The following ZBTB44 variants were observed in gnomAD, a reference collection of about 807,000 sequenced individuals.
ZBTB44 encodes the protein zinc finger and BTB domain containing 44.
ZBTB44 carries 15 observed loss-of-function variants against 54.0 expected under a neutral mutation model. The observed-to-expected ratio is 0.28, with a 90% CI of 0.19 to 0.43. ZBTB44 has a LOEUF of 0.43. Ranked by LOEUF, ZBTB44 falls within the 20% of genes least tolerant of loss-of-function variation. The pLI, the probability that ZBTB44 is intolerant of heterozygous loss-of-function variation, is 1.00. For synonymous variants in ZBTB44, 230 were observed against 250.1 expected, an observed-to-expected ratio of 0.92 and a Z score of 0.76; for missense variants, 487 against 707.1, an observed-to-expected ratio of 0.69 and a Z score of 3.53.
At chr11:130,266,758 C>A (rs1256766311) in intron 1 of ZBTB44, among the ~76,000 whole-genome samples, 2 of 152,194 alleles carry the variant, frequency 1.3e-5, no homozygotes, top group African/African-American at 4.8e-5. Flanking sequence ...GTCTGAATTG[C>A]TGCAATCTCA....
intron 1 of ZBTB44, among the ~76,000 whole-genome samples, chr11:130,293,892 T>C (rs905097866): frequency 6.6e-6 from 1 of 152,236 alleles, no homozygotes; most frequent in Non-Finnish European, 1.5e-5. Flanking sequence ...GAATAAGCCC[T>C]TTCTAGTTCA....
chr11:130,244,023 G>T (rs778800160), intron 2 of ZBTB44, among the ~76,000 whole-genome samples: 1 of 152,054 alleles, frequency 6.6e-6, no homozygotes, highest in African/African-American at 2.4e-5. Context: ...TCTTTGAGTT[G>T]ATCAACCAAA....
chr11:130,239,633 A>T, intron 3 of ZBTB44, 179 bp downstream of exon 3: 2 of 454,102 alleles, frequency 4.4e-6, no homozygotes, highest in Non-Finnish European at 7.9e-6. Flanking sequence ...ATGCTGGGGA[A>T]AAAAAAAAGC....
At chr11:130,278,265 C>G (rs988307095) in intron 1 of ZBTB44, among the ~76,000 whole-genome samples, 9 of 152,132 alleles carry the variant, frequency 5.9e-5, no homozygotes, top group Non-Finnish European at 1.2e-4. Flanking sequence ...CACAGTTGGG[C>G]AAAATAACCT....
intron 1 of ZBTB44, among the ~76,000 whole-genome samples, chr11:130,311,872 AAG>A (rs1216722742): frequency 6.6e-6 from 1 of 152,170 alleles, no homozygotes; most frequent in African/African-American, 2.4e-5. Flanking sequence ...CAGGGGTGTC[AAG>A]ACACACAATA....
chr11:130,285,428 A>G (rs1940889044), intron 1 of ZBTB44: 1 of 152,002 alleles, frequency 6.6e-6, no homozygotes, highest in Non-Finnish European at 1.5e-5. Context: ...AGTAGCTGGG[A>G]TTACAGGCGT....
At chr11:130,246,529 C>T (rs1954656497) in intron 2 of ZBTB44, among the ~76,000 whole-genome samples, 1 of 152,020 alleles carries the variant, frequency 6.6e-6, no homozygotes, top group African/African-American at 2.4e-5. Flanking sequence ...CGACTCTCTC[C>T]CCAATTAGAA....
intron 1 of ZBTB44, among the ~76,000 whole-genome samples, chr11:130,308,823 C>T (rs1942418921): frequency 6.6e-6 from 1 of 152,206 alleles, no homozygotes; most frequent in Admixed American, 6.5e-5. Context: ...CATCTTCCCA[C>T]TCCACTCCCT....
At chr11:130,245,696 G>A (rs1412069368) in intron 2 of ZBTB44, among the ~76,000 whole-genome samples, 1 of 152,090 alleles carries the variant, frequency 6.6e-6, no homozygotes, top group Admixed American at 6.5e-5. Flanking sequence ...AAGAAGACTG[G>A]CATCGGCTTC....
chr11:130,307,199 C>G (rs1942318253), intron 1 of ZBTB44, among the ~76,000 whole-genome samples: 1 of 152,054 alleles, frequency 6.6e-6, no homozygotes, highest in South Asian at 2.1e-4. Flanking sequence ...CCAAGGTGGG[C>G]AGATCACAAG....
chr11:130,236,256 A>G lies in ZBTB44; in HGVS notation c.1568+537T>C, dbSNP rs1189873380. 6.3e-6 allele frequency: 8 copies of G among 1,274,660 alleles called. No individual in the cohort carries two copies. In the South Asian group the frequency reaches 8.8e-5, roughly 14 times the overall value. The allele number at this position is 1,274,660 out of a possible 1,614,324, so 79.0% of individuals were successfully genotyped here. A position where few individuals can be genotyped will look rare whatever the true frequency, so the allele number is the denominator to read the frequency against. On this transcript the variant is annotated intron_variant, in intron 5 of 7. Transcript: ENST00000357899. ...GGTAATTCTATTATAAATTAATATT[A>G]CAAGAATAGAGCTCTAAACTGAATG...
At chr11:130,268,216 C>T in intron 1 of ZBTB44, among the ~76,000 whole-genome samples, 1 of 127,768 alleles carries the variant, frequency 7.8e-6, no homozygotes, top group African/African-American at 3.5e-5. Flanking sequence ...AGACCCACGT[C>T]TAATTTAAAA....
intron 2 of ZBTB44, among the ~76,000 whole-genome samples, chr11:130,242,874 G>T (rs898599301): frequency 6.6e-6 from 1 of 152,086 alleles, no homozygotes; most frequent in Non-Finnish European, 1.5e-5. Context: ...ACCTACATTT[G>T]TTGTCTTCCG....
At chr11:130,271,656 C>G (rs1374246858) in intron 1 of ZBTB44, among the ~76,000 whole-genome samples, 3 of 152,194 alleles carry the variant, frequency 2.0e-5, no homozygotes, top group Non-Finnish European at 4.4e-5. Context: ...TACCATGTAT[C>G]ATGCCTCATT....
intron 1 of ZBTB44, among the ~76,000 whole-genome samples, chr11:130,302,909 A>C (rs534653233): frequency 1.2e-4 from 18 of 152,312 alleles, no homozygotes; most frequent in African/African-American, 4.3e-4. Context: ...TGGAAAGTGC[A>C]GGTTGCAGGG....
chr11:130,256,282 G>T (rs1398701079), intron 2 of ZBTB44, among the ~76,000 whole-genome samples: 1 of 152,200 alleles, frequency 6.6e-6, no homozygotes, highest in East Asian at 1.9e-4. Context: ...CGCAAGGCTG[G>T]TTCAACACAC....
chr11:130,304,493 A>C (rs921100854), intron 1 of ZBTB44, among the ~76,000 whole-genome samples: 1 of 152,228 alleles, frequency 6.6e-6, no homozygotes, highest in Non-Finnish European at 1.5e-5. Context: ...GTGATAAAAG[A>C]CTAGGAAGAG....
chr11:130,306,231 G>A (rs747809883), intron 1 of ZBTB44, among the ~76,000 whole-genome samples: 2 of 152,224 alleles, frequency 1.3e-5, no homozygotes, highest in African/African-American at 2.4e-5. Context: ...GGCTGGGCAC[G>A]ATGGCTCACA....
chr11:130,300,889 G>A (rs1486889841), intron 1 of ZBTB44, among the ~76,000 whole-genome samples: 1 of 152,186 alleles, frequency 6.6e-6, no homozygotes, highest in Non-Finnish European at 1.5e-5. Context: ...AATAGAGCAA[G>A]GGGGTTAGCT....
Sources: gnomAD v4.1 joint callset for allele counts (sites outside exome capture counted in the v4.1 genomes callset) on GRCh38, gnomAD v4.1.1 for gene constraint, MANE v1.5 for transcripts, NCBI Gene and HGNC (gene_info 2026-07-23, HGNC 2026-07-21) for gene names.